The following C3orf52 variants were observed in gnomAD, a reference collection of about 807,000 sequenced individuals.
The protein encoded by C3orf52 is TPA-induced transmembrane protein.
C3orf52 carries 22 observed loss-of-function variants against 24.8 expected under a neutral mutation model. The observed-to-expected ratio is 0.89, with a 90% CI of 0.63 to 1.27. The LOEUF is 1.27. Among genes scored for constraint, C3orf52 ranks in the 50% most tolerant of loss-of-function variants. The pLI is 0.00. For missense variants in C3orf52, 265 were observed against 260.7 expected (o/e 1.02, Z -0.11); for synonymous variants, 93 against 100.2 (o/e 0.93, Z 0.43).
chr3:112,133,638 A>G (rs150487696), downstream of C3orf52: 1 of 153,754 alleles, frequency 6.5e-6, no homozygotes, highest in Non-Finnish European at 1.4e-5. Flanking sequence ...ATACAGATGA[A>G]CATTAAAAGA....
chr3:112,127,323 G>T (rs2074349286), intron 4 of C3orf52, among the ~76,000 whole-genome samples: 1 of 152,104 alleles, frequency 6.6e-6, no homozygotes, highest in Admixed American at 6.6e-5. Context: ...CTTTTTTGGA[G>T]ACTTTTTTTC....
At chr3:112,106,582 G>A (rs2074027551) in intron 3 of C3orf52, among the ~76,000 whole-genome samples, 1 of 152,196 alleles carries the variant, frequency 6.6e-6, no homozygotes, top group South Asian at 2.1e-4. Flanking sequence ...AGTAAAAGAT[G>A]TACCCGGCGC....
downstream of C3orf52, chr3:112,130,244 T>G (rs1301659339): frequency 1.7e-6 from 1 of 594,662 alleles, no homozygotes; most frequent in Non-Finnish European, 3.0e-6. Flanking sequence ...GGAGTTACAT[T>G]AGGCTTCTAG....
chr3:112,110,921 C>A (rs1414972125), intron 4 of C3orf52, among the ~76,000 whole-genome samples: 1 of 152,094 alleles, frequency 6.6e-6, no homozygotes, highest in South Asian at 2.1e-4. Flanking sequence ...CTTTAAAGAC[C>A]CCCAATGGGC....
At position 112,116,643 on chromosome 3, in the gene C3orf52, A is replaced by G; in HGVS notation, c.651A>G (p.Glu217=). 1 of 1,569,792 alleles carries G rather than the reference A, an allele frequency of 6.4e-7. No individual in the cohort carries two copies. Among genetic ancestry groups the G allele is most frequent in the Non-Finnish European group, 8.7e-7 (1 of 1,155,002 alleles). Residue 217 remains glutamate, a splice_region_variant and synonymous_variant, in exon 6 of 6, where the codon GAA becomes GAG. Coordinates refer to ENST00000264848, the MANE Select transcript of C3orf52 (RefSeq NM_024616.3). ...TGTTCATCTGTGTTTTCTTTTTAGA[A>G]TGAAGTGATGGAGGCTGGTCTCTGT... ...GLDPTSLLLY[E]
chr3:112,128,212 A>G (rs1192653740), intron 4 of C3orf52: 21 of 723,376 alleles, frequency 2.9e-5, no homozygotes, highest in Non-Finnish European at 2.5e-5. Context: ...CTCTCATGGT[A>G]GAATGCCTTT....
intron 2 of C3orf52, among the ~76,000 whole-genome samples, chr3:112,099,313 A>G (rs1407008157): frequency 6.6e-6 from 1 of 152,110 alleles, no homozygotes; most frequent in Non-Finnish European, 1.5e-5. Context: ...CAACATATGC[A>G]TTTTTCGGGG....
chr3:112,125,421 A>T (rs1336296928), intron 4 of C3orf52, among the ~76,000 whole-genome samples: 1 of 152,210 alleles, frequency 6.6e-6, no homozygotes, highest in Non-Finnish European at 1.5e-5. Flanking sequence ...CAGGACATCT[A>T]AACAAGTCAC....
chr3:112,116,192 C>T (rs1026285437), intron 5 of C3orf52, among the ~76,000 whole-genome samples: 12 of 152,160 alleles, frequency 7.9e-5, no homozygotes, highest in Non-Finnish European at 1.2e-4. Flanking sequence ...TAGACCCCGG[C>T]GGGCTCCCCC....
At chr3:112,114,402 A>AT (rs201837163) in intron 5 of C3orf52, among the ~76,000 whole-genome samples, 33 of 140,920 alleles carry the variant, frequency 2.3e-4, no homozygotes, top group Middle Eastern at 3.5e-3. Context: ...AGTTACAGGA[A>AT]TTAAAAAAAA....
At chr3:112,120,579 T>C (rs2074178111), downstream of C3orf52, among the ~76,000 whole-genome samples, 1 of 152,196 alleles carries the variant, frequency 6.6e-6, no homozygotes, top group African/African-American at 2.4e-5. Flanking sequence ...GGCTATGTAG[T>C]TTTAAGACCA....
In C3orf52 at chr3:112,116,966, T is replaced by C; in HGVS notation, c.*320T>C. ...TTTGTTTTTGTTTTGTTTCGTTTTG[T>C]TTTTTGAGACAGGGTCTCGTTCTGT... On this transcript the variant is annotated 3_prime_UTR_variant, in exon 6 of 6. Transcript: ENST00000264848. 6.6e-7 allele frequency: 1 copy of C among 1,522,134 alleles called. No homozygotes were observed. 94.3% of individuals were successfully genotyped at this position (1,522,134 alleles called of 1,614,324 possible).
chr3:112,124,813 G>A (rs2074276057), intron 4 of C3orf52, among the ~76,000 whole-genome samples: 1 of 152,138 alleles, frequency 6.6e-6, no homozygotes, highest in Non-Finnish European at 1.5e-5. Flanking sequence ...GTGAGACTTG[G>A]TTTTGAATCC....
chr3:112,097,033 G>C (rs1333207400), intron 2 of C3orf52, among the ~76,000 whole-genome samples: 4 of 152,098 alleles, frequency 2.6e-5, no homozygotes, highest in Admixed American at 2.0e-4. Context: ...TGGAACCCAG[G>C]GAATTCTGTT....
At chr3:112,092,118 G>A (rs113367406) in intron 1 of C3orf52, among the ~76,000 whole-genome samples, 18 of 152,284 alleles carry the variant, frequency 1.2e-4, no homozygotes, top group African/African-American at 3.4e-4. Flanking sequence ...GATGGTGAAC[G>A]CTGAGGAATG....
exon 5 of C3orf52, chr3:112,128,274 T>C (rs1291561378): frequency 1.4e-6 from 1 of 690,030 alleles, no homozygotes; most frequent in African/African-American, 1.8e-5. Context: ...GGAAAAAAGC[T>C]TTCTGCTGTG....
intron 1 of C3orf52, among the ~76,000 whole-genome samples, chr3:112,089,593 C>T (rs1258618361): frequency 6.6e-6 from 1 of 151,374 alleles, no homozygotes; most frequent in Admixed American, 6.6e-5. Flanking sequence ...TCCATTGCCA[C>T]GTGTTGTTCA....
At chr3:112,125,673 G>A (rs1478096122) in intron 4 of C3orf52, among the ~76,000 whole-genome samples, 4 of 149,880 alleles carry the variant, frequency 2.7e-5, no homozygotes, top group African/African-American at 9.9e-5. Context: ...AGCTAGCACA[G>A]GAGACAGACA....
intron 4 of C3orf52, chr3:112,123,892 T>C: frequency 9.7e-7 from 1 of 1,035,392 alleles, no homozygotes; most frequent in Non-Finnish European, 1.4e-6. Flanking sequence ...CTCCTCCCCA[T>C]CTCTTGGCCA....
Sources: gnomAD v4.1 joint callset for allele counts (sites outside exome capture counted in the v4.1 genomes callset) on GRCh38, gnomAD v4.1.1 for gene constraint, MANE v1.5 for transcripts, NCBI Gene and HGNC (gene_info 2026-07-23, HGNC 2026-07-21) for gene names.